The following TMEM131L variants were observed in gnomAD, a reference collection of about 807,000 sequenced individuals.
TMEM131L encodes the protein transmembrane 131 like.
In TMEM131L, 54 loss-of-function variants were observed where a neutral mutation model predicts 192.2. The ratio of observed to expected loss-of-function variants is 0.28; its 90% CI spans 0.23 to 0.35. The LOEUF (loss-of-function observed/expected upper bound fraction) is 0.35, where lower values mean the gene tolerates loss of function less well. Among genes scored for constraint, TMEM131L ranks in the 10% least tolerant of loss-of-function variants. The pLI is 1.00. For missense variants in TMEM131L, 1,888 were observed against 1,972.9 expected (o/e 0.96, Z 0.82); for synonymous variants, 701 against 704.9 (o/e 0.99, Z 0.09).
chr4:153,606,592 C>T (rs964039322), intron 25 of TMEM131L, among the ~76,000 whole-genome samples: 2 of 152,238 alleles, frequency 1.3e-5, no homozygotes, highest in South Asian at 2.1e-4. Flanking sequence ...CTTTAATAAG[C>T]GTGAGTAAAT....
chr4:153,481,662 A>G (rs1731947304), intron 3 of TMEM131L, among the ~76,000 whole-genome samples: 1 of 152,084 alleles, frequency 6.6e-6, no homozygotes, highest in Non-Finnish European at 1.5e-5. Context: ...CAGCCTCTTG[A>G]GTAGCTGGGA....
intron 3 of TMEM131L, among the ~76,000 whole-genome samples, chr4:153,549,711 G>A (rs1737463407): frequency 6.6e-6 from 1 of 152,178 alleles, no homozygotes; most frequent in Non-Finnish European, 1.5e-5. Context: ...AGAGGCCACA[G>A]TCCCCCAGGC....
intron 18 of TMEM131L, among the ~76,000 whole-genome samples, chr4:153,592,853 A>T (rs915417658): frequency 2.0e-5 from 3 of 152,114 alleles, no homozygotes; most frequent in African/African-American, 7.2e-5. Context: ...AACCTTTATC[A>T]TGTTTTTTTC....
At chr4:153,530,401 A>G (rs1735806739) in intron 3 of TMEM131L, among the ~76,000 whole-genome samples, 1 of 152,152 alleles carries the variant, frequency 6.6e-6, no homozygotes, top group African/African-American at 2.4e-5. Context: ...TAGGTATGGT[A>G]CAGTACTGGG....
At chr4:153,606,332 T>C (rs1033962504) in intron 25 of TMEM131L, among the ~76,000 whole-genome samples, 1 of 152,208 alleles carries the variant, frequency 6.6e-6, no homozygotes, top group African/African-American at 2.4e-5. Flanking sequence ...CCTCCAGAAG[T>C]GCTTCTTCTG....
chr4:153,551,309 C>G (rs116613646), intron 4 of TMEM131L, among the ~76,000 whole-genome samples: 88 of 152,240 alleles, frequency 5.8e-4, no homozygotes, highest in African/African-American at 2.1e-3. Context: ...TTTACATTCC[C>G]TTCTAATCAT....
At chr4:153,629,358 G>A (rs550011044) in intron 31 of TMEM131L, among the ~76,000 whole-genome samples, 1 of 152,306 alleles carries the variant, frequency 6.6e-6, no homozygotes, top group South Asian at 2.1e-4. Context: ...CTCTCCTGTT[G>A]TAGCCTGAAG....
At chr4:153,628,537 C>A (rs1193591685) in intron 31 of TMEM131L, among the ~76,000 whole-genome samples, 1 of 152,120 alleles carries the variant, frequency 6.6e-6, no homozygotes, top group African/African-American at 2.4e-5. Flanking sequence ...GAATTTTAAC[C>A]CTTGAAGGTG....
intron 3 of TMEM131L, among the ~76,000 whole-genome samples, chr4:153,540,742 T>C (rs1291932560): frequency 6.6e-6 from 1 of 152,242 alleles, no homozygotes. Flanking sequence ...TTTAGGAAAC[T>C]AATAACTTAA....
Position 153,632,805 on chromosome 4 carries a change from G to T in TMEM131L, c.4295G>T (p.Cys1432Phe). The part of the protein sequence containing the change: ...LNCTLENGVP[C>F]VIQESAPVHN... ...TGCACCCTGGAGAACGGCGTGCCTTGTGTGATTCAGGAGTCGGCCCCGGTT... is the reference window on the plus strand; with the variant it reads ...TGCACCCTGGAGAACGGCGTGCCTTTTGTGATTCAGGAGTCGGCCCCGGTT... Residue 1432 changes from cysteine (C) to phenylalanine (F), a missense_variant, in exon 32 of 35, where the codon TGT becomes TTT. Cys to Phe is a radical substitution (Grantham distance 205). Coordinates refer to ENST00000409959, the MANE Select transcript of TMEM131L (RefSeq NM_001131007.2). The T allele has an allele frequency of 1.2e-6, 2 of 1,614,124 alleles. No individual in the cohort carries two copies. Among genetic ancestry groups the T allele is most frequent in the Non-Finnish European group, 1.7e-6 (2 of 1,180,020 alleles).
At chr4:153,590,888 T>G (rs1478689959) in intron 16 of TMEM131L, among the ~76,000 whole-genome samples, 165 bp from the exon 17 acceptor site, 2 of 152,224 alleles carry the variant, frequency 1.3e-5, no homozygotes, top group African/African-American at 4.8e-5. Flanking sequence ...AGGATCAATC[T>G]TGTACTTTCC....
intron 3 of TMEM131L, among the ~76,000 whole-genome samples, chr4:153,534,443 A>AT (rs529293892): frequency 2.6e-5 from 4 of 151,564 alleles, no homozygotes; most frequent in South Asian, 2.1e-4. Flanking sequence ...TTTATTTTTT[A>AT]TTTTTTTTGA....
chr4:153,493,848 A>G (rs1168353479), intron 3 of TMEM131L, among the ~76,000 whole-genome samples: 1 of 152,208 alleles, frequency 6.6e-6, no homozygotes, highest in Non-Finnish European at 1.5e-5. Context: ...TGTGTAAGGC[A>G]TTTAAAAGCC....
chr4:153,503,818 G>A (rs1733773475), intron 3 of TMEM131L, among the ~76,000 whole-genome samples: 1 of 152,160 alleles, frequency 6.6e-6, no homozygotes, highest in Admixed American at 6.5e-5. Flanking sequence ...AAAATGTAAG[G>A]TTATGTTTTA....
intron 3 of TMEM131L, among the ~76,000 whole-genome samples, chr4:153,512,085 C>G (rs1445507445): frequency 7.3e-6 from 1 of 137,866 alleles, no homozygotes; most frequent in Non-Finnish European, 1.5e-5. Context: ...GTACTGTTTC[C>G]AACTCTTTTG....
At chr4:153,607,247 A>G (rs2126488193) in intron 25 of TMEM131L, among the ~76,000 whole-genome samples, 1 of 152,360 alleles carries the variant, frequency 6.6e-6, no homozygotes, top group South Asian at 2.1e-4. Context: ...TCACAAGTGC[A>G]AAGAATGCTT....
At chr4:153,595,047 TG>T (rs1171631203) in intron 19 of TMEM131L, among the ~76,000 whole-genome samples, 1 of 152,206 alleles carries the variant, frequency 6.6e-6, no homozygotes, top group Non-Finnish European at 1.5e-5. Flanking sequence ...TATCTATGAC[TG>T]TTTTTCCCAA....
chr4:153,534,480 C>T (rs1008313484), intron 3 of TMEM131L, among the ~76,000 whole-genome samples: 3 of 152,072 alleles, frequency 2.0e-5, no homozygotes, highest in African/African-American at 7.2e-5. Context: ...GTCGCCCAGG[C>T]TGGAGTACAG....
At chr4:153,607,726 C>A (rs79878562) in intron 25 of TMEM131L, among the ~76,000 whole-genome samples, 4 of 152,192 alleles carry the variant, frequency 2.6e-5, no homozygotes, top group Non-Finnish European at 4.4e-5. Context: ...GGCTTCCCCC[C>A]ACCCCCGGGT....
Sources: allele counts gnomAD v4.1 joint callset (sites outside exome capture counted in the v4.1 genomes callset), GRCh38; gene constraint gnomAD v4.1.1; transcripts MANE v1.5; gene names NCBI Gene and HGNC (gene_info 2026-07-23, HGNC 2026-07-21).